MAIP1: variants seen among roughly 807,000 people sequenced by gnomAD.
MAIP1 encodes the protein m-AAA protease-interacting protein 1, mitochondrial.
Under a neutral mutation model 31.2 loss-of-function variants are expected in MAIP1, and 28 were observed. The observed-to-expected ratio is 0.90, with a 90% CI of 0.67 to 1.23. The LOEUF is 1.23. Ranked by LOEUF, MAIP1 falls within the 50% of genes most tolerant of loss-of-function variation. The pLI, the probability that MAIP1 is intolerant of heterozygous loss-of-function variation, is 0.00. For missense variants in MAIP1, 339 were observed against 356.0 expected (o/e 0.95, Z 0.38); for synonymous variants, 142 against 142.3 (o/e 1.00, Z 0.02).
At position 199,961,850 on chromosome 2, in the gene MAIP1, T is replaced by C. The variant is rs763981865; in HGVS notation, c.719T>C (p.Leu240Ser). ...LTSANIPSET[L>S]RGASVFQVKL... ...AGTGCCAACATCCCCAGTGAAACTT[T>C]AAGAGGAGCCAGTGTATTCCAGGTT... The change falls in exon 4 of 5, where the codon TTA (leucine) becomes TCA (serine). Residue 240 changes from leucine to serine, a missense_variant. Transcript: ENST00000392290. The C allele has an allele frequency of 6.2e-7, 1 of 1,614,052 alleles. No individual in the cohort carries two copies. The highest frequency in any genetic ancestry group is 8.5e-7 in the Non-Finnish European group (1 of 1,179,942).
intron 1 of MAIP1, among the ~76,000 whole-genome samples, chr2:199,957,826 T>C (rs2077616366): frequency 6.6e-6 from 1 of 152,226 alleles, no homozygotes; most frequent in South Asian, 2.1e-4. Flanking sequence ...TTCTGTACAA[T>C]GCCCACTGAT....
upstream of MAIP1, chr2:199,955,525 C>G (rs776776321): frequency 6.3e-7 from 1 of 1,585,494 alleles, no homozygotes; most frequent in Non-Finnish European, 8.6e-7. Flanking sequence ...CTAAAGCGTT[C>G]CTCAGCGCCA....
At position 199,955,723 on chromosome 2, in the gene MAIP1, G is replaced by C. The variant is rs532113638; in HGVS notation, c.-76G>C. The C allele has an allele frequency of 3.9e-5, 55 of 1,409,090 alleles. No individual in the cohort carries two copies. The African/African-American group carries it at 6.7e-4, about 17-fold the overall frequency. 87.3% of individuals were successfully genotyped at this position (1,409,090 alleles called of 1,614,324 possible). A position where few individuals can be genotyped will look rare whatever the true frequency, so the allele number is the denominator to read the frequency against. On this transcript the variant is annotated 5_prime_UTR_variant, in exon 1 of 5. Transcript: ENST00000392290. ...ACTTTGCTCTCCAGTCTCTTTCTCC[G>C]ACACCGCTGAGGCGGTTTCCCACCG...
chr2:199,960,244 G>C (rs2077628980), intron 3 of MAIP1, among the ~76,000 whole-genome samples: 2 of 152,162 alleles, frequency 1.3e-5, no homozygotes. Context: ...TATATGGAAG[G>C]AATGAGGGGT....
chr2:199,959,418 T>TATA, intron 2 of MAIP1, 79 bp downstream of exon 2: 2 of 849,746 alleles, frequency 2.4e-6, no homozygotes, highest in South Asian at 2.8e-5. Context: ...TCCTTATTTA[T>TATA]GCTTAAAAAT....
Position 199,963,905 on chromosome 2 carries a change from A to G in MAIP1, c.*94A>G, listed in dbSNP as rs1262076436. ...GGTCATTTGATCTTCACTTAATCTAAGTCTGTGAATTACTTTTATATTATT... is the reference window on the plus strand; with the variant it reads ...GGTCATTTGATCTTCACTTAATCTAGGTCTGTGAATTACTTTTATATTATT... On this transcript the variant is annotated 3_prime_UTR_variant, in exon 5 of 5. Coordinates refer to ENST00000392290, the MANE Select transcript of MAIP1 (RefSeq NM_001394955.1). 2 of 664,584 alleles carry G rather than the reference A, an allele frequency of 3.0e-6. No homozygotes were observed. Among genetic ancestry groups the G allele is most frequent in the African/African-American group, 1.8e-5 (1 of 55,010 alleles). The allele number at this position is 664,584 out of a possible 1,614,324, so 41.2% of individuals were successfully genotyped here.
intron 3 of MAIP1, 24 bp from the exon 4 acceptor site, chr2:199,961,757 G>A: frequency 6.3e-7 from 1 of 1,589,736 alleles, no homozygotes; most frequent in Non-Finnish European, 8.6e-7. Context: ...GTATTCGTAT[G>A]TGTGTATATG....
intron 1 of MAIP1, among the ~76,000 whole-genome samples, chr2:199,957,454 C>A (rs2077613945): frequency 6.6e-6 from 1 of 152,176 alleles, no homozygotes; most frequent in African/African-American, 2.4e-5. Context: ...CCGCTTCATA[C>A]CTCCATATGC....
At chr2:199,959,666 GA>G in intron 2 of MAIP1, 87 bp from the exon 3 acceptor site, 2 of 1,196,066 alleles carry the variant, frequency 1.7e-6, no homozygotes, top group Non-Finnish European at 2.4e-6. Flanking sequence ...AATAGGTTTG[GA>G]AAAATGTATT....
rs1011392026 is a variant in MAIP1 at position 199,955,690 on chromosome 2, A to G, written c.-109A>G. The G allele has an allele frequency of 1.7e-5, 21 of 1,201,730 alleles. No homozygotes were observed. The highest frequency in any genetic ancestry group is 2.1e-5 in the Non-Finnish European group (18 of 871,304). The allele number at this position is 1,201,730 out of a possible 1,614,324, so 74.4% of individuals were successfully genotyped here. A position where few individuals can be genotyped will look rare whatever the true frequency, so the allele number is the denominator to read the frequency against. Reference sequence around the variant, plus strand: ...GGCCGACTCACCAGAGGCTGCAGCAACAGGTCCACTTTGCTCTCCAGTCTC... The same window carrying G: ...GGCCGACTCACCAGAGGCTGCAGCAGCAGGTCCACTTTGCTCTCCAGTCTC... On this transcript the variant is annotated 5_prime_UTR_variant, in exon 1 of 5. Coordinates refer to ENST00000392290, the MANE Select transcript of MAIP1 (RefSeq NM_001394955.1).
rs937582850 is a variant in MAIP1 at position 199,962,047 on chromosome 2, A to G, written c.797+119A>G. 47 of 923,610 alleles carry G rather than the reference A, an allele frequency of 5.1e-5. 1 individual carries two copies. The highest frequency in any genetic ancestry group is 1.7e-5 in the African/African-American group (1 of 59,806). 57.2% of individuals were successfully genotyped at this position (923,610 alleles called of 1,614,324 possible). On this transcript the variant is annotated intron_variant, in intron 4 of 4. Coordinates refer to ENST00000392290, the MANE Select transcript of MAIP1 (RefSeq NM_001394955.1). ...TTGAAATTTGACAAGTTATTTATGA[A>G]GAGAAAAGGTCAGAAAGACACACTG...
In MAIP1 at chr2:199,955,989, C is replaced by T. The variant is rs747722514; in HGVS notation, c.191C>T (p.Ser64Leu). 1.9e-6 allele frequency: 3 copies of T among 1,612,016 alleles called. No homozygotes were observed. Among genetic ancestry groups the T allele is most frequent in the South Asian group, 2.2e-5 (2 of 90,870 alleles). ...CGAAGCGCTAGGGCCTTGGCAGCCT[C>T]GGCGCTACCTGCCCAGGGCTCCCGG... is the stretch of plus-strand genomic sequence containing the variant. ...FPRSARALAA[S>L]ALPAQGSRWP... The change falls in exon 1 of 5, where the codon TCG becomes TTG. Residue 64 changes from serine to leucine, a missense_variant. Transcript: ENST00000392290.
chr2:199,957,851 T>C (rs2077616523), intron 1 of MAIP1, among the ~76,000 whole-genome samples: 1 of 152,206 alleles, frequency 6.6e-6, no homozygotes, highest in Non-Finnish European at 1.5e-5. Context: ...TATGAGCTTG[T>C]CCACCTCATA....
At chr2:199,956,310 G>T (rs2077604004) in intron 1 of MAIP1, 62 bp downstream of exon 1, 1 of 1,301,008 alleles carries the variant, frequency 7.7e-7, no homozygotes, top group Non-Finnish European at 1.1e-6. Flanking sequence ...GCTCGCAGAA[G>T]TGCTTAGCAG....
upstream of MAIP1, chr2:199,955,504 G>A (rs145152608): frequency 6.2e-7 from 1 of 1,608,984 alleles, no homozygotes; most frequent in East Asian, 2.2e-5. Flanking sequence ...CAGGTCTTCG[G>A]AACTTCGGCT....
In MAIP1 at chr2:199,955,611, G is replaced by A. The variant is rs1303842641; in HGVS notation, c.-188G>A. On this transcript the variant is annotated 5_prime_UTR_variant, in exon 1 of 5. Transcript: ENST00000392290. ...TCCAGAGTGGCTGGGTCCGAGCGCGGGGCGGGTTGCCGAAGGGCCTCGGCC... is the reference window on the plus strand; with the variant it reads ...TCCAGAGTGGCTGGGTCCGAGCGCGAGGCGGGTTGCCGAAGGGCCTCGGCC... 20 of 1,265,464 alleles carry A rather than the reference G, an allele frequency of 1.6e-5. No individual in the cohort carries two copies. The South Asian group carries it at 2.6e-4, about 17-fold the overall frequency. The allele number at this position is 1,265,464 out of a possible 1,614,324, so 78.4% of individuals were successfully genotyped here. A position where few individuals can be genotyped will look rare whatever the true frequency, so the allele number is the denominator to read the frequency against.
At position 199,955,854 on chromosome 2, in the gene MAIP1, G is replaced by A; in HGVS notation, c.56G>A (p.Cys19Tyr). Residue 19 changes from cysteine (C) to tyrosine (Y), a missense_variant, in exon 1 of 5, where the codon TGC (cysteine) becomes TAC (tyrosine). Transcript: ENST00000392290. Reference protein sequence around the residue: ...PQFLHSRSLPCGAVRLRTPAV... With the variant: ...PQFLHSRSLPYGAVRLRTPAV... The stretch of plus-strand genomic sequence containing the variant: ...TTCCTGCACTCTCGGTCGCTGCCCT[G>A]CGGGGCCGTCCGACTCCGGACTCCT... 3 of 1,529,640 alleles carry A rather than the reference G, an allele frequency of 2.0e-6. No individual in the cohort carries two copies. Among genetic ancestry groups the A allele is most frequent in the Non-Finnish European group, 1.8e-6 (2 of 1,141,066 alleles). The allele number at this position is 1,529,640 out of a possible 1,614,324, so 94.8% of individuals were successfully genotyped here. A position where few individuals can be genotyped will look rare whatever the true frequency, so the allele number is the denominator to read the frequency against.
chr2:199,958,398 C>T (rs908181678), intron 1 of MAIP1, among the ~76,000 whole-genome samples: 1 of 152,118 alleles, frequency 6.6e-6, no homozygotes, highest in Non-Finnish European at 1.5e-5. Context: ...CATAAATTTT[C>T]GGGGAAGGAG....
intron 1 of MAIP1, among the ~76,000 whole-genome samples, chr2:199,957,628 G>A (rs1444951780): frequency 6.6e-6 from 1 of 152,108 alleles, no homozygotes; most frequent in East Asian, 1.9e-4. Flanking sequence ...TTTAATAAGT[G>A]TCAGTATTAA....
Sources: allele counts gnomAD v4.1 joint callset (sites outside exome capture counted in the v4.1 genomes callset), GRCh38; gene constraint gnomAD v4.1.1; transcripts MANE v1.5; gene names NCBI Gene and HGNC (gene_info 2026-07-23, HGNC 2026-07-21).